Variants in THAP10 observed in about 807,000 individuals in gnomAD.
THAP10 encodes the protein THAP domain-containing protein 10.
A neutral mutation model predicts 15.7 loss-of-function variants in THAP10; 10 were observed. The ratio of observed to expected loss-of-function variants is 0.64; its 90% CI spans 0.39 to 1.08. The LOEUF (loss-of-function observed/expected upper bound fraction) is 1.08. THAP10 is among the 50% of genes least tolerant of loss of function. THAP10 has a pLI of 0.01. For synonymous variants in THAP10, 127 were observed against 129.1 expected, an observed-to-expected ratio of 0.98 and a Z score of 0.11; for missense variants, 310 against 330.9, an observed-to-expected ratio of 0.94 and a Z score of 0.49.
rs375626002 is a variant in THAP10, at chr15:70,890,099, G to A, written c.429+1745C>T. Among the ~76,000 whole-genome samples, 193 of 152,228 alleles carry A rather than the reference G, an allele frequency of 1.3e-3. 3 individuals carry two copies. Among genetic ancestry groups the A allele is most frequent in the Admixed American group, 4.8e-3 (74 of 15,280 alleles). The stretch of plus-strand genomic sequence containing the variant: ...ATGTATGCTGGATCTGTTTCCCAAC[G>A]GTTAGTTTTTATGGGTTATAAAGAC... On this transcript the variant is annotated intron_variant, in intron 1 of 2. Coordinates refer to ENST00000249861, the MANE Select transcript of THAP10 (RefSeq NM_020147.4).
In THAP10 at chr15:70,891,380, G is replaced by A. The variant is rs1481438871; in HGVS notation, c.429+464C>T. Reference sequence around the variant, plus strand: ...TTAGCAAGCTCCATCATCTTCATCTGTAGCTCCACATCTCCTTCGCCCCAT... The same window carrying A: ...TTAGCAAGCTCCATCATCTTCATCTATAGCTCCACATCTCCTTCGCCCCAT... On this transcript the variant is annotated intron_variant, in intron 1 of 2. Coordinates refer to ENST00000249861, the MANE Select transcript of THAP10 (RefSeq NM_020147.4). 2.0e-5 allele frequency among the ~76,000 whole-genome samples: 3 copies of A among 152,270 alleles called. No homozygotes were observed. In the East Asian group the frequency reaches 5.8e-4, roughly 29 times the overall value.
At chr15:70,887,136 A>C (rs1490308674) in intron 1 of THAP10, among the ~76,000 whole-genome samples, 1 of 152,122 alleles carries the variant, frequency 6.6e-6, no homozygotes, top group East Asian at 1.9e-4. Context: ...ATCATAAAAA[A>C]CCTTTCCAAA....
At position 70,892,173 on chromosome 15, in the gene THAP10, C is replaced by G. The variant is rs1471087980; in HGVS notation, c.100G>C (p.Asp34His). Residue 34 changes from aspartate (D) to histidine (H), a missense_variant, in exon 1 of 3, where the codon GAC becomes CAC. Transcript: ENST00000249861. Reference protein sequence around the residue: ...PKDRAVRLLWDRFVRGCRADW... With the variant: ...PKDRAVRLLWHRFVRGCRADW... The stretch of plus-strand genomic sequence containing the variant: ...GCGCGGCAACCCCGCACGAAGCGGT[C>G]CCAGAGCAGCCGCACGGCCCGGTCC... 1 of 1,611,226 alleles carries G rather than the reference C, an allele frequency of 6.2e-7. No individual in the cohort carries two copies. The highest frequency in any genetic ancestry group is 8.5e-7 in the Non-Finnish European group (1 of 1,178,952).
At position 70,891,898 on chromosome 15, in the gene THAP10, T is replaced by C; in HGVS notation, c.375A>G (p.Pro125=). ...GGGGGCGTGTACAGGAGACTGGACC[T>C]GGGGCAGCCTCAGAATGCCTGGCTG... is the stretch of plus-strand genomic sequence containing the variant. ...LQAARHSEAA[P]GPVSCTRPRA... Residue 125 remains proline (P), a synonymous_variant, in exon 1 of 3, where the codon CCA becomes CCG. Transcript: ENST00000249861. 1 of 1,613,132 alleles carries C rather than the reference T, an allele frequency of 6.2e-7. No individual in the cohort carries two copies. The highest frequency in any genetic ancestry group is 8.5e-7 in the Non-Finnish European group (1 of 1,179,824).
Position 70,882,533 on chromosome 15 carries a change from G to C in THAP10, c.695C>G (p.Thr232Arg). The C allele has an allele frequency of 6.2e-7, 1 of 1,613,850 alleles. No homozygotes were observed. Reference sequence around the variant, plus strand: ...ACTCTTGATATCCCAGTCTGTATCTGTTTCTGAATCACTGGAGTAAATGTC... The same window carrying C: ...ACTCTTGATATCCCAGTCTGTATCTCTTTCTGAATCACTGGAGTAAATGTC... Reference protein sequence around the residue: ...LFDIYSSDSETDTDWDIKSEQ... With the variant: ...LFDIYSSDSERDTDWDIKSEQ... Residue 232 changes from threonine to arginine, a missense_variant, in exon 3 of 3, where the codon ACA becomes AGA. By Grantham distance (71) the Thr-to-Arg change is moderately conservative. Coordinates refer to ENST00000249861, the MANE Select transcript of THAP10 (RefSeq NM_020147.4).
In THAP10 at chr15:70,892,347, G is replaced by C. The variant is rs1410085106; in HGVS notation, c.-75C>G. On this transcript the variant is annotated 5_prime_UTR_variant, in exon 1 of 3. Transcript: ENST00000249861. Reference sequence around the variant, plus strand: ...TGGGCACGCTCCTCGCAGCGGCCTCGGCGAGGCAAGTCCTCCCCTCCTCAC... The same window carrying C: ...TGGGCACGCTCCTCGCAGCGGCCTCCGCGAGGCAAGTCCTCCCCTCCTCAC... 4 of 1,548,658 alleles carry C rather than the reference G, an allele frequency of 2.6e-6. No homozygotes were observed. Among genetic ancestry groups the C allele is most frequent in the Non-Finnish European group, 3.5e-6 (4 of 1,146,772 alleles).
chr15:70,885,713 A>G (rs2033388477), intron 1 of THAP10, among the ~76,000 whole-genome samples: 1 of 152,204 alleles, frequency 6.6e-6, no homozygotes, highest in African/African-American at 2.4e-5. Context: ...TAGCTTCAAG[A>G]TATATACCAC....
chr15:70,884,049 G>C (rs892272890), intron 1 of THAP10, among the ~76,000 whole-genome samples: 17 of 152,196 alleles, frequency 1.1e-4, no homozygotes, highest in African/African-American at 4.1e-4. Context: ...AGGGTACCTA[G>C]AGATTATGTG....
chr15:70,885,597 A>T (rs1400195053), intron 1 of THAP10, among the ~76,000 whole-genome samples: 1 of 152,220 alleles, frequency 6.6e-6, no homozygotes, highest in African/African-American at 2.4e-5. Context: ...TACTATGCAA[A>T]CACTAAGTTA....
chr15:70,892,324 G>C lies in THAP10; in HGVS notation c.-52C>G, dbSNP rs1446389635. 1.3e-6 allele frequency: 2 copies of C among 1,549,710 alleles called. No homozygotes were observed. Among genetic ancestry groups the C allele is most frequent in the East Asian group, 4.9e-5 (2 of 40,922 alleles). ...CGGGTTCCCTGGACCTTCGCCCTTGGGCACGCTCCTCGCAGCGGCCTCGGC... is the reference window on the plus strand; with the variant it reads ...CGGGTTCCCTGGACCTTCGCCCTTGCGCACGCTCCTCGCAGCGGCCTCGGC... On this transcript the variant is annotated 5_prime_UTR_variant, in exon 1 of 3. Coordinates refer to ENST00000249861, the MANE Select transcript of THAP10 (RefSeq NM_020147.4).
At chr15:70,887,314 AG>A (rs1203424054) in intron 1 of THAP10, among the ~76,000 whole-genome samples, 1 of 152,160 alleles carries the variant, frequency 6.6e-6, no homozygotes, top group African/African-American at 2.4e-5. Flanking sequence ...ATTCCAAGAA[AG>A]AAAAAAACTG....
At chr15:70,884,493 C>T (rs1177348268) in intron 1 of THAP10, among the ~76,000 whole-genome samples, 1 of 151,936 alleles carries the variant, frequency 6.6e-6, no homozygotes, top group Non-Finnish European at 1.5e-5. Flanking sequence ...GCACTCCAGC[C>T]TGGGCGACAG....
rs1193594909 is a variant in THAP10, at chr15:70,892,310, G to C, written c.-38C>G. Reference sequence around the variant, plus strand: ...CGGTGCGCGGGAGCCGGGTTCCCTGGACCTTCGCCCTTGGGCACGCTCCTC... The same window carrying C: ...CGGTGCGCGGGAGCCGGGTTCCCTGCACCTTCGCCCTTGGGCACGCTCCTC... On this transcript the variant is annotated 5_prime_UTR_variant, in exon 1 of 3. Coordinates refer to ENST00000249861, the MANE Select transcript of THAP10 (RefSeq NM_020147.4). 13 of 1,550,530 alleles carry C rather than the reference G, an allele frequency of 8.4e-6. No individual in the cohort carries two copies. Among genetic ancestry groups the C allele is most frequent in the Non-Finnish European group, 1.0e-5 (12 of 1,147,176 alleles).
rs1366341709 is a variant in THAP10 at position 70,881,793 on chromosome 15, T to C, written c.*661A>G. 2 of 152,238 alleles carry C rather than the reference T, an allele frequency of 1.3e-5. No individual in the cohort carries two copies. The highest frequency in any genetic ancestry group is 1.5e-5 in the Non-Finnish European group (1 of 68,042). The allele number at this position is 152,238 out of a possible 1,614,324, so 9.4% of individuals were successfully genotyped here. The stretch of plus-strand genomic sequence containing the variant: ...AATCAAGCTAATTAATGTGTCGCAG[T>C]AAGCACTGATGCAAACAGATTTCAT... On this transcript the variant is annotated 3_prime_UTR_variant, in exon 3 of 3. Transcript: ENST00000249861.
intron 1 of THAP10, among the ~76,000 whole-genome samples, chr15:70,890,023 T>C (rs1391941165): frequency 1.3e-5 from 2 of 152,214 alleles, no homozygotes; most frequent in South Asian, 2.1e-4. Context: ...GTACTATGGA[T>C]TGTTATAAAT....
Position 70,882,076 on chromosome 15 carries a change from G to A in THAP10, c.*378C>T, listed in dbSNP as rs773603470. On this transcript the variant is annotated 3_prime_UTR_variant, in exon 3 of 3. Coordinates refer to ENST00000249861, the MANE Select transcript of THAP10 (RefSeq NM_020147.4). The stretch of plus-strand genomic sequence containing the variant: ...CTGCTCTATACTTTCAAATTATTTA[G>A]AAGAGTAGGGATATTCTAACTAGCA... 1 of 171,648 alleles carries A rather than the reference G, an allele frequency of 5.8e-6. No homozygotes were observed. Among genetic ancestry groups the A allele is most frequent in the Non-Finnish European group, 1.2e-5 (1 of 80,304 alleles). 10.6% of individuals were successfully genotyped at this position (171,648 alleles called of 1,614,324 possible). A position where few individuals can be genotyped will look rare whatever the true frequency, so the allele number is the denominator to read the frequency against.
chr15:70,888,085 A>C (rs140661435), intron 1 of THAP10, among the ~76,000 whole-genome samples: 1 of 152,186 alleles, frequency 6.6e-6, no homozygotes, highest in Non-Finnish European at 1.5e-5. Flanking sequence ...AGAAGAGTCA[A>C]TATTGTCAAT....
At chr15:70,887,185 T>C (rs1223368183) in intron 1 of THAP10, among the ~76,000 whole-genome samples, 1 of 152,070 alleles carries the variant, frequency 6.6e-6, no homozygotes, top group Admixed American at 6.5e-5. Context: ...CTACCAAATA[T>C]TAATACCAAA....
intron 1 of THAP10, among the ~76,000 whole-genome samples, chr15:70,891,069 G>T (rs2033545902): frequency 6.6e-6 from 1 of 152,166 alleles, no homozygotes; most frequent in South Asian, 2.1e-4. Context: ...AAGGATTACA[G>T]ACCCCTGAGG....
Sources: gnomAD v4.1 joint callset for allele counts (sites outside exome capture counted in the v4.1 genomes callset) on GRCh38, gnomAD v4.1.1 for gene constraint, MANE v1.5 for transcripts, NCBI Gene and HGNC (gene_info 2026-07-23, HGNC 2026-07-21) for gene names.